SLC17A5: variants seen among roughly 807,000 people sequenced by gnomAD.
SLC17A5 encodes solute carrier family 17 member 5.
Under a neutral mutation model 59.4 loss-of-function variants are expected in SLC17A5, and 47 were observed. That is an observed-to-expected ratio of 0.79 (90% CI 0.63 to 1.01). The LOEUF (loss-of-function observed/expected upper bound fraction) is 1.01, where lower values mean the gene tolerates loss of function less well. Ranked by LOEUF, SLC17A5 falls within the 50% of genes least tolerant of loss-of-function variation. The pLI is 0.00. For missense variants in SLC17A5, 522 were observed against 595.5 expected (o/e 0.88, Z 1.28); for synonymous variants, 202 against 210.7 (o/e 0.96, Z 0.36).
At chr6:73,636,296 A>C (rs1387606132) in intron 5 of SLC17A5, among the ~76,000 whole-genome samples, 2 of 108,982 alleles carry the variant, frequency 1.8e-5, no homozygotes, top group Non-Finnish European at 3.4e-5. Context: ...AAAAAAAAAA[A>C]AAACATTAAA....
intron 9 of SLC17A5, among the ~76,000 whole-genome samples, chr6:73,604,407 T>C (rs1767300092): frequency 6.6e-6 from 1 of 152,166 alleles, no homozygotes; most frequent in African/African-American, 2.4e-5. Context: ...TGAAAATCTA[T>C]CTAATTCCCA....
chr6:73,600,249 T>A (rs991304510), intron 10 of SLC17A5, 102 bp downstream of exon 10: 2 of 908,512 alleles, frequency 2.2e-6, no homozygotes, highest in Non-Finnish European at 3.5e-6. Flanking sequence ...AAGAATTTCA[T>A]AAGAACATTT....
In SLC17A5 at chr6:73,636,602, G is replaced by T. The variant is rs372789949; in HGVS notation, c.700+19C>A. 24 of 1,327,952 alleles carry T rather than the reference G, an allele frequency of 1.8e-5. No individual in the cohort carries two copies. Among genetic ancestry groups the T allele is most frequent in the Middle Eastern group, 1.8e-4 (1 of 5,482 alleles). The allele number at this position is 1,327,952 out of a possible 1,614,324, so 82.3% of individuals were successfully genotyped here. ...TTTGAATTTGTTACATTATAATTTA[G>T]TTAAAATTTTAAACTTACCAAAAAA... On this transcript the variant is annotated intron_variant, in intron 5 of 10. Transcript: ENST00000355773.
At chr6:73,631,018 C>T (rs535202717) in intron 6 of SLC17A5, among the ~76,000 whole-genome samples, 216 of 149,666 alleles carry the variant, frequency 1.4e-3, no homozygotes, top group Admixed American at 3.4e-3. Flanking sequence ...TGTACTTCAG[C>T]CTGGGCAAAA....
At position 73,636,699 on chromosome 6, in the gene SLC17A5, G is replaced by T; in HGVS notation, c.622C>A (p.Leu208Ile). The T allele has an allele frequency of 6.2e-7, 1 of 1,608,338 alleles. No homozygotes were observed. Among genetic ancestry groups the T allele is most frequent in the Non-Finnish European group, 8.5e-7 (1 of 1,174,808 alleles). The change falls in exon 5 of 11, where the codon CTT (leucine) becomes ATT (isoleucine). Residue 208 changes from leucine (L) to isoleucine (I), a missense_variant. Leu to Ile is a conservative substitution (Grantham distance 5). Around this residue, in one of 3 missense-constraint regions of SLC17A5, gnomAD observed 338 missense variants for 363.8 expected, o/e 0.93. Coordinates refer to ENST00000355773, the MANE Select transcript of SLC17A5 (RefSeq NM_012434.5). ...AGAGGAAGAGAAATTACTGTCCCAA[G>T]CTGTGCTCCTAGAACAACACATAAG... ...LLSISYAGAQ[L>I]GTVISLPLSG... is the part of the protein sequence containing the mutation.
intron 10 of SLC17A5, among the ~76,000 whole-genome samples, chr6:73,599,568 C>G (rs1766963883): frequency 6.6e-6 from 1 of 152,184 alleles, no homozygotes; most frequent in African/African-American, 2.4e-5. Flanking sequence ...CCACCCTGCT[C>G]CATGAGGACA....
At chr6:73,624,800 G>T (rs148576343) in intron 6 of SLC17A5, among the ~76,000 whole-genome samples, 16,242 of 152,038 alleles carry the variant, frequency 0.11, 1,043 homozygotes, top group Middle Eastern at 0.18. Context: ...TTGAACTCAG[G>T]GAGCGGAGGT....
chr6:73,608,230 T>G (rs1767485496), intron 9 of SLC17A5, among the ~76,000 whole-genome samples: 1 of 152,150 alleles, frequency 6.6e-6, no homozygotes, highest in South Asian at 2.1e-4. Context: ...TTGGGGTAGG[T>G]GCTGATTGTC....
At chr6:73,650,377 C>T (rs183696742) in intron 1 of SLC17A5, among the ~76,000 whole-genome samples, 1 of 150,952 alleles carries the variant, frequency 6.6e-6, no homozygotes, top group East Asian at 2.0e-4. Context: ...GGCGTGGTGG[C>T]GGGTGCCTGT....
At chr6:73,623,666 A>T (rs563355853) in intron 6 of SLC17A5, among the ~76,000 whole-genome samples, 40 of 18,304 alleles carry the variant, frequency 2.2e-3, no homozygotes, top group Admixed American at 2.6e-3. Flanking sequence ...TTTTATTTTT[A>T]TTTATTTATT....
intron 3 of SLC17A5, among the ~76,000 whole-genome samples, chr6:73,640,690 G>A (rs1408336314): frequency 2.6e-5 from 4 of 152,152 alleles, no homozygotes. Context: ...TTCAGAGGTA[G>A]AAGTTCGAAG....
intron 2 of SLC17A5, among the ~76,000 whole-genome samples, chr6:73,643,374 A>G (rs577620361): frequency 7.9e-5 from 12 of 151,960 alleles, no homozygotes; most frequent in South Asian, 2.1e-4. Context: ...GTTAGCCAGG[A>G]TGGTCTTGAT....
At chr6:73,612,692 AGCC>A (rs1767684409) in intron 8 of SLC17A5, among the ~76,000 whole-genome samples, 1 of 152,104 alleles carries the variant, frequency 6.6e-6, no homozygotes, top group Non-Finnish European at 1.5e-5. Context: ...TTCTCACCTT[AGCC>A]TCTGGAGTAG....
At chr6:73,610,054 A>G (rs921874650) in intron 9 of SLC17A5, among the ~76,000 whole-genome samples, 4 of 150,802 alleles carry the variant, frequency 2.7e-5, no homozygotes, top group Non-Finnish European at 5.9e-5. Context: ...TTTTTTTTAG[A>G]TGGAGTCTTG....
chr6:73,630,201 C>T (rs1489350220), intron 6 of SLC17A5, among the ~76,000 whole-genome samples: 1 of 152,134 alleles, frequency 6.6e-6, no homozygotes, highest in East Asian at 1.9e-4. Context: ...CCATATTGGC[C>T]AGGCTGGTCT....
intron 6 of SLC17A5, among the ~76,000 whole-genome samples, chr6:73,623,628 C>T (rs1002449423): frequency 7.2e-5 from 11 of 151,748 alleles, no homozygotes; most frequent in Non-Finnish European, 1.6e-4. Flanking sequence ...GCCACTGCCC[C>T]CAGCGTAAGT....
At chr6:73,651,289 C>T (rs1769847293) in intron 1 of SLC17A5, among the ~76,000 whole-genome samples, 2 of 151,372 alleles carry the variant, frequency 1.3e-5, no homozygotes, top group African/African-American at 4.9e-5. Flanking sequence ...GGTGAAACTC[C>T]GTCTCTACTA....
chr6:73,642,278 G>GC (rs983646545), intron 2 of SLC17A5, among the ~76,000 whole-genome samples: 1 of 151,934 alleles, frequency 6.6e-6, no homozygotes, highest in South Asian at 2.1e-4. Context: ...GGAGGCTGCC[G>GC]CCCCCCCGGC....
At chr6:73,626,207 T>A (rs1322748774) in intron 6 of SLC17A5, among the ~76,000 whole-genome samples, 1 of 152,192 alleles carries the variant, frequency 6.6e-6, no homozygotes, top group Non-Finnish European at 1.5e-5. Context: ...ATCAATTGAG[T>A]TTTTGATAAT....
Sources: gnomAD v4.1 joint callset for allele counts (sites outside exome capture counted in the v4.1 genomes callset) on GRCh38, gnomAD v4.1.1 for gene constraint, gnomAD v4.1.1 regional missense constraint, MANE v1.5 for transcripts, NCBI Gene and HGNC (gene_info 2026-07-23, HGNC 2026-07-21) for gene names.